The following ATG7 variants were observed in gnomAD, a reference collection of about 807,000 sequenced individuals.
ATG7 encodes the protein ubiquitin-like modifier-activating enzyme ATG7.
In ATG7, 70 loss-of-function variants were observed where a neutral mutation model predicts 82.4. The ratio of observed to expected loss-of-function variants is 0.85; its 90% CI spans 0.70 to 1.04. The LOEUF (loss-of-function observed/expected upper bound fraction) is 1.04. Among genes scored for constraint, ATG7 ranks in the 50% least tolerant of loss-of-function variants. The probability of loss-of-function intolerance (pLI) is 0.00; values close to 1 mark genes in which losing one functional copy is unlikely to be tolerated. For synonymous variants in ATG7, 287 were observed against 313.0 expected (o/e 0.92, Z 0.88); for missense variants, 792 against 864.3 (o/e 0.92, Z 1.05).
chr3:11,475,078 T>G (rs2087988958), intron 20 of ATG7, among the ~76,000 whole-genome samples: 1 of 151,484 alleles, frequency 6.6e-6, no homozygotes, highest in Admixed American at 6.6e-5. Flanking sequence ...ATGGATTGGG[T>G]TATAGAGGAG....
chr3:11,325,232 G>A (rs1251305935), intron 9 of ATG7, among the ~76,000 whole-genome samples: 3 of 152,160 alleles, frequency 2.0e-5, no homozygotes, highest in East Asian at 3.9e-4. Flanking sequence ...CATCCCCATC[G>A]TTAAGCATGA....
At chr3:11,349,818 G>T (rs1415632089) in intron 14 of ATG7, among the ~76,000 whole-genome samples, 1 of 152,148 alleles carries the variant, frequency 6.6e-6, no homozygotes, top group Non-Finnish European at 1.5e-5. Context: ...GAAAGATTGG[G>T]CTGAAAGTTT....
At chr3:11,507,299 A>AT (rs1228959230) in intron 20 of ATG7, among the ~76,000 whole-genome samples, 1 of 152,228 alleles carries the variant, frequency 6.6e-6, no homozygotes, top group African/African-American at 2.4e-5. Context: ...ATAAATAAAA[A>AT]TTTTGTTTAA....
At chr3:11,459,411 A>G (rs1259764705) in intron 20 of ATG7, among the ~76,000 whole-genome samples, 1 of 152,190 alleles carries the variant, frequency 6.6e-6, no homozygotes, top group Non-Finnish European at 1.5e-5. Context: ...CTGATTTCAA[A>G]AACAGATTTA....
intron 14 of ATG7, among the ~76,000 whole-genome samples, chr3:11,354,749 G>A (rs2075816827): frequency 6.6e-6 from 1 of 151,034 alleles, no homozygotes; most frequent in Non-Finnish European, 1.5e-5. Context: ...CTAATGAGTA[G>A]TGGATACTGG....
At chr3:11,456,756 A>C (rs1211977040) in intron 20 of ATG7, among the ~76,000 whole-genome samples, 1 of 152,160 alleles carries the variant, frequency 6.6e-6, no homozygotes, top group African/African-American at 2.4e-5. Flanking sequence ...GACACTTGTG[A>C]AGTTTTTTTC....
chr3:11,293,329 A>G (rs577033378), intron 3 of ATG7, among the ~76,000 whole-genome samples: 1 of 151,830 alleles, frequency 6.6e-6, no homozygotes, highest in East Asian at 2.0e-4. Context: ...CAGGAGTTTG[A>G]GACCAGCCTG....
chr3:11,496,105 A>G (rs1400768415), intron 20 of ATG7, among the ~76,000 whole-genome samples: 2 of 152,232 alleles, frequency 1.3e-5, no homozygotes, highest in Non-Finnish European at 2.9e-5. Context: ...AAGTACAGAG[A>G]ATAGCCCATT....
rs1360509538 is a variant in ATG7, at chr3:11,385,220, G to A, written c.1956+5168G>A. ...AATTTTTGTATTTTCAGTAGAGACG[G>A]GGTTTCACCATGTTGGCCAGGTTGG... On this transcript the variant is annotated intron_variant, in intron 19 of 20. Coordinates refer to ENST00000693202, the MANE Select transcript of ATG7 (RefSeq NM_001349232.2). Among the ~76,000 whole-genome samples, 5 of 152,062 alleles carry A rather than the reference G, an allele frequency of 3.3e-5. No individual in the cohort carries two copies. The East Asian group carries it at 7.7e-4, about 24-fold the overall frequency.
intron 20 of ATG7, among the ~76,000 whole-genome samples, chr3:11,437,162 G>A (rs2083441304): frequency 6.6e-6 from 1 of 152,176 alleles, no homozygotes; most frequent in Non-Finnish European, 1.5e-5. Context: ...CTCTCTGCAT[G>A]CAATGTTGAT....
chr3:11,553,032 T>A (rs2071967843), intron 20 of ATG7, among the ~76,000 whole-genome samples: 2 of 152,218 alleles, frequency 1.3e-5, no homozygotes, highest in Non-Finnish European at 2.9e-5. Context: ...GTACTGACCC[T>A]GCCCTGCCCA....
chr3:11,400,300 A>G (rs1015435177), intron 19 of ATG7, among the ~76,000 whole-genome samples: 4 of 152,230 alleles, frequency 2.6e-5, no homozygotes, highest in African/African-American at 9.6e-5. Flanking sequence ...AAGCCAGGGT[A>G]TATGAACTTC....
At chr3:11,513,390 G>A (rs1036400078) in intron 20 of ATG7, among the ~76,000 whole-genome samples, 16 of 152,224 alleles carry the variant, frequency 1.1e-4, no homozygotes, top group East Asian at 5.8e-4. Flanking sequence ...CCTGCCCCGC[G>A]GGGAGGCAGC....
At chr3:11,447,506 A>G (rs952239107) in intron 20 of ATG7, among the ~76,000 whole-genome samples, 1 of 152,060 alleles carries the variant, frequency 6.6e-6, no homozygotes, top group Non-Finnish European at 1.5e-5. Flanking sequence ...GCTTAATGAA[A>G]CCAGGTCATG....
chr3:11,313,419 AG>A lies in ATG7; in HGVS notation c.528+1del. On this transcript the variant is annotated frameshift_variant and splice_region_variant, in exon 8 of 21. Coordinates refer to ENST00000693202, the MANE Select transcript of ATG7 (RefSeq NM_001349232.2). LOFTEE classifies it high-confidence loss of function. ...VGLDQRFSLK[Q>X]IEALECAYDN... ...TTGGATCAAAGGTTTTCACTAAAAC[AG>A]GTATCAACAAATAACCAAAATGCAC... The A allele has an allele frequency of 6.3e-7, 1 of 1,596,226 alleles. No homozygotes were observed. Among genetic ancestry groups the A allele is most frequent in the African/African-American group, 1.3e-5 (1 of 74,424 alleles).
chr3:11,291,726 C>T (rs957352254), intron 3 of ATG7, among the ~76,000 whole-genome samples: 3 of 152,066 alleles, frequency 2.0e-5, no homozygotes, highest in Non-Finnish European at 2.9e-5. Flanking sequence ...TGGTAAATGC[C>T]CTAATGGAAG....
chr3:11,525,690 A>G (rs978499491), intron 20 of ATG7, among the ~76,000 whole-genome samples: 4 of 151,264 alleles, frequency 2.6e-5, no homozygotes, highest in African/African-American at 9.7e-5. Context: ...GAGTAGCTGG[A>G]ACTACAGGTA....
chr3:11,458,421 G>A (rs531600114), intron 20 of ATG7, among the ~76,000 whole-genome samples: 5 of 152,094 alleles, frequency 3.3e-5, no homozygotes, highest in East Asian at 3.9e-4. Context: ...CCACCACCAC[G>A]CCCGGCTAAT....
intron 20 of ATG7, among the ~76,000 whole-genome samples, chr3:11,441,568 G>A (rs867434731): frequency 6.6e-6 from 1 of 151,624 alleles, no homozygotes; most frequent in African/African-American, 2.4e-5. Context: ...GCACCAGTTT[G>A]GAACCAATCT....
Sources: gnomAD v4.1 joint callset for allele counts (sites outside exome capture counted in the v4.1 genomes callset) on GRCh38, gnomAD v4.1.1 for gene constraint, MANE v1.5 for transcripts, NCBI Gene and HGNC (gene_info 2026-07-23, HGNC 2026-07-21) for gene names.